The following ARID1A variants were observed in gnomAD, a reference collection of about 807,000 sequenced individuals.
ARID1A encodes AT-rich interaction domain 1A, also known as AT-rich interactive domain-containing protein 1A.
In ARID1A, 20 loss-of-function variants were observed where a neutral mutation model predicts 212.6. The observed-to-expected ratio is 0.09, with a 90% CI of 0.07 to 0.14. ARID1A has a LOEUF of 0.14. Ranked by LOEUF, ARID1A falls within the 10% of genes least tolerant of loss-of-function variation. ARID1A has a pLI of 1.00. For synonymous variants in ARID1A, 1,376 were observed against 1,222.1 expected (o/e 1.13, Z -2.63); for missense variants, 2,587 against 3,059.0 (o/e 0.85, Z 3.64).
intron 1 of ARID1A, among the ~76,000 whole-genome samples, chr1:26,715,620 A>C (rs2080495543): frequency 6.6e-6 from 1 of 152,192 alleles, no homozygotes; most frequent in Admixed American, 6.5e-5. Flanking sequence ...CTAGACTTTG[A>C]TGATATTTTC....
intron 1 of ARID1A, among the ~76,000 whole-genome samples, chr1:26,719,154 A>AG (rs2080535456): frequency 1.3e-5 from 2 of 152,170 alleles, no homozygotes; most frequent in Admixed American, 6.5e-5. Flanking sequence ...TTTTGGGCAT[A>AG]GGGGAGCATT....
At chr1:26,750,035 C>G (rs773874209) in intron 4 of ARID1A, among the ~76,000 whole-genome samples, 1 of 152,214 alleles carries the variant, frequency 6.6e-6, no homozygotes, top group Admixed American at 6.5e-5. Flanking sequence ...TGGCATCTTT[C>G]TGGTCACTAA....
chr1:26,713,947 A>ATG (rs1305106049), intron 1 of ARID1A, among the ~76,000 whole-genome samples: 1 of 152,224 alleles, frequency 6.6e-6, no homozygotes, highest in Non-Finnish European at 1.5e-5. Context: ...AGTGACCAAT[A>ATG]TGTGGTCTCA....
At chr1:26,749,251 C>T (rs2080864383) in intron 4 of ARID1A, among the ~76,000 whole-genome samples, 1 of 152,176 alleles carries the variant, frequency 6.6e-6, no homozygotes, top group Non-Finnish European at 1.5e-5. Context: ...CTTTGGCTCT[C>T]TCTTGGATTT....
At chr1:26,772,789 A>T (rs776563438) in intron 13 of ARID1A, 23 bp from the exon 14 acceptor site, 1 of 1,609,704 alleles carries the variant, frequency 6.2e-7, no homozygotes, top group Non-Finnish European at 8.5e-7. Context: ...TTTGTGGTTT[A>T]CTTGGTTTTC....
At chr1:26,741,901 G>A (rs542830938) in intron 4 of ARID1A, among the ~76,000 whole-genome samples, 2 of 152,350 alleles carry the variant, frequency 1.3e-5, no homozygotes, top group Non-Finnish European at 2.9e-5. Context: ...AAATGCGAGG[G>A]AGCTATGCTG....
rs374564889 is a variant in ARID1A at position 26,773,690 on chromosome 1, CGCAGCAGCA to C, written c.3993_4001del (p.Gln1332_Gln1334del). On this transcript the variant is annotated inframe_deletion, in exon 16 of 20. Coordinates refer to ENST00000324856, the MANE Select transcript of ARID1A (RefSeq NM_006015.6). ...ATGTATTCTCCTAGCCGCTACCCCCCGCAGCAGCAGCAGCAGCAGCAGCAACGGTGAGTA... is the reference window on the plus strand; with the variant it reads ...ATGTATTCTCCTAGCCGCTACCCCCCGCAGCAGCAGCAGCAACGGTGAGTA... 78 of 1,613,216 alleles carry C rather than the reference CGCAGCAGCA, an allele frequency of 4.8e-5. No homozygotes were observed. The highest frequency in any genetic ancestry group is 3.3e-4 in the Middle Eastern group (2 of 6,080).
intron 1 of ARID1A, among the ~76,000 whole-genome samples, chr1:26,724,681 C>T (rs1342490965): frequency 6.6e-6 from 1 of 152,128 alleles, no homozygotes; most frequent in East Asian, 1.9e-4. Context: ...TTTTGGGGGT[C>T]ATTTTGGTTT....
At chr1:26,717,763 C>T (rs2080517237) in intron 1 of ARID1A, among the ~76,000 whole-genome samples, 1 of 151,994 alleles carries the variant, frequency 6.6e-6, no homozygotes, top group Non-Finnish European at 1.5e-5. Flanking sequence ...AATCAGGAAC[C>T]AAGTATAGGA....
At chr1:26,764,149 T>C (rs1294171187) in intron 8 of ARID1A, 1 of 151,876 alleles carries the variant, frequency 6.6e-6, no homozygotes, top group Non-Finnish European at 1.5e-5. Context: ...TTTATATTTT[T>C]AGACTGGGTT....
intron 19 of ARID1A, 112 bp downstream of exon 19, chr1:26,775,819 A>C (rs760580880): frequency 4.7e-6 from 7 of 1,500,156 alleles, no homozygotes; most frequent in Non-Finnish European, 6.4e-6. Flanking sequence ...TCTTGTAGAT[A>C]TCTTCCATGC....
At position 26,773,672 on chromosome 1, in the gene ARID1A, C is replaced by G; in HGVS notation, c.3959C>G (p.Ser1320Cys). The G allele has an allele frequency of 6.2e-7, 1 of 1,614,160 alleles. No homozygotes were observed. Residue 1320 changes from serine (S) to cysteine (C), a missense_variant, in exon 16 of 20, where the codon TCT becomes TGT. This residue lies in a region of ARID1A where 890 missense variants were observed against 1,098.2 expected (regional missense o/e 0.81). Coordinates refer to ENST00000324856, the MANE Select transcript of ARID1A (RefSeq NM_006015.6). ...MPSNPDSGMY[S>C]PSRYPPQQQQ... ...TCCAACCCAGACTCGGGGATGTATT[C>G]TCCTAGCCGCTACCCCCCGCAGCAG...
At position 26,708,986 on chromosome 1, in the gene ARID1A, C is replaced by T. The variant is rs755681557; in HGVS notation, c.1137+11446C>T. 5.9e-5 allele frequency among the ~76,000 whole-genome samples: 9 copies of T among 152,078 alleles called. No individual in the cohort carries two copies. The South Asian group carries it at 6.2e-4, about 11-fold the overall frequency. On this transcript the variant is annotated intron_variant, in intron 1 of 19. Transcript: ENST00000324856. ...CTGGGATTACAGGTGTGAGCCACCGCGCCCAGCGGATTATTGTCTTAATTT... is the reference window on the plus strand; with the variant it reads ...CTGGGATTACAGGTGTGAGCCACCGTGCCCAGCGGATTATTGTCTTAATTT...
chr1:26,706,014 C>G (rs1172617629), intron 1 of ARID1A, among the ~76,000 whole-genome samples: 2 of 152,098 alleles, frequency 1.3e-5, no homozygotes, highest in Non-Finnish European at 1.5e-5. Flanking sequence ...CCCAGTAATC[C>G]AGGACAGATT....
At chr1:26,753,033 C>G (rs1270734304) in intron 4 of ARID1A, 1 of 152,204 alleles carries the variant, frequency 6.6e-6, no homozygotes, top group Non-Finnish European at 1.5e-5. Context: ...TATACTTAAC[C>G]TGTTGCCATT....
intron 6 of ARID1A, 46 bp from the exon 7 acceptor site, chr1:26,762,106 C>T (rs767585532): frequency 3.9e-5 from 59 of 1,521,222 alleles, no homozygotes; most frequent in East Asian, 4.7e-5. Flanking sequence ...AGCATTTGTT[C>T]GCATTGTATA....
At chr1:26,698,008 T>C (rs1366685308) in intron 1 of ARID1A, among the ~76,000 whole-genome samples, 2 of 151,882 alleles carry the variant, frequency 1.3e-5, no homozygotes, top group Admixed American at 1.3e-4. Context: ...AGAGGGCCCC[T>C]AGAGCTCGAG....
chr1:26,737,233 C>CA (rs1180453732), intron 4 of ARID1A, among the ~76,000 whole-genome samples: 1 of 152,234 alleles, frequency 6.6e-6, no homozygotes, highest in African/African-American at 2.4e-5. Flanking sequence ...CCTCCCACCT[C>CA]AGCCTCCTGA....
At chr1:26,738,144 C>T (rs1275769085) in intron 4 of ARID1A, among the ~76,000 whole-genome samples, 2 of 151,906 alleles carry the variant, frequency 1.3e-5, no homozygotes, top group African/African-American at 4.8e-5. Context: ...CTGCCTCAGC[C>T]TCCCAGGTAG....
Sources: allele counts gnomAD v4.1 joint callset (sites outside exome capture counted in the v4.1 genomes callset), GRCh38; gene constraint gnomAD v4.1.1; regional missense constraint gnomAD v4.1.1; transcripts MANE v1.5; gene names NCBI Gene and HGNC (gene_info 2026-07-23, HGNC 2026-07-21).